The following POLE variants were observed in gnomAD, a reference collection of about 807,000 sequenced individuals.
The protein encoded by POLE is DNA polymerase epsilon, catalytic subunit.
POLE carries 188 observed loss-of-function variants against 279.2 expected under a neutral mutation model. That is an observed-to-expected ratio of 0.67 (90% CI 0.60 to 0.76). The LOEUF (loss-of-function observed/expected upper bound fraction) is 0.76. Among genes scored for constraint, POLE ranks in the 30% least tolerant of loss-of-function variants. POLE has a pLI of 0.00. For synonymous variants in POLE, 1,214 were observed against 1,172.5 expected, an observed-to-expected ratio of 1.04 and a Z score of -0.72; for missense variants, 2,703 against 3,016.7, an observed-to-expected ratio of 0.90 and a Z score of 2.44.
intron 29 of POLE, among the ~76,000 whole-genome samples, 173 bp downstream of exon 29, chr12:132,656,963 A>C (rs769518244): frequency 3.3e-5 from 5 of 152,220 alleles, no homozygotes; most frequent in Non-Finnish European, 7.3e-5. Context: ...TATTAACAAA[A>C]GAGTGACACT....
At chr12:132,652,606 GAGCCATCACACTC>G (rs1170910335) in intron 29 of POLE, among the ~76,000 whole-genome samples, 7 of 152,098 alleles carry the variant, frequency 4.6e-5, no homozygotes, top group African/African-American at 1.4e-4. Context: ...TTACAGGCAT[GAGCCATCACACTC>G]AGCCTTAGTT....
chr12:132,633,640 A>AG (rs1450939806), intron 43 of POLE: 2 of 152,510 alleles, frequency 1.3e-5, no homozygotes, highest in Non-Finnish European at 2.9e-5. Flanking sequence ...TCTTTAACTT[A>AG]GGGCTGTCAA....
In POLE at chr12:132,667,552, G is replaced by A. The variant is rs1565964638; in HGVS notation, c.2270C>T (p.Thr757Ile). The A allele has an allele frequency of 6.2e-7, 1 of 1,614,164 alleles. No individual in the cohort carries two copies. Among genetic ancestry groups the A allele is most frequent in the Non-Finnish European group, 8.5e-7 (1 of 1,180,016 alleles). The change falls in exon 20 of 49, where the codon ACC becomes ATC. Residue 757 changes from threonine (T) to isoleucine (I), a missense_variant. Physicochemically the swap from Thr to Ile is moderately conservative, Grantham distance 89 (BLOSUM62 -1). This residue lies in a region of POLE where 1,011 missense variants were observed against 1,111.7 expected (regional missense o/e 0.91). Transcript: ENST00000320574. ...CQRENSFYVD[T>I]VRAFRDRRYE... ...ACGCCTGTCCCGGAAGGCACGCACG[G>A]TGTCCACGTAGAAGGAGTTTTCCCG...
At chr12:132,637,027 A>C (rs930317677) in intron 41 of POLE, among the ~76,000 whole-genome samples, 1 of 152,178 alleles carries the variant, frequency 6.6e-6, no homozygotes, top group East Asian at 1.9e-4. Flanking sequence ...CCTTCCCATT[A>C]TCTCAGCCAT....
intron 1 of POLE, among the ~76,000 whole-genome samples, chr12:132,683,584 G>A (rs1161784841): frequency 5.9e-5 from 9 of 152,138 alleles, no homozygotes; most frequent in Non-Finnish European, 8.8e-5. Flanking sequence ...GAATGCACCC[G>A]TAATCAAAAA....
At chr12:132,654,837 GAAC>G (rs1461092585) in intron 29 of POLE, among the ~76,000 whole-genome samples, 3 of 152,276 alleles carry the variant, frequency 2.0e-5, no homozygotes, top group South Asian at 4.1e-4. Context: ...TCTTTTCAAA[GAAC>G]AACATTTTGG....
At position 132,642,288 on chromosome 12, in the gene POLE, G is replaced by T; in HGVS notation, c.5062C>A (p.Pro1688Thr). The change falls in exon 38 of 49, where the codon CCT becomes ACT. Residue 1688 changes from proline to threonine, a missense_variant. Around this residue, in one of 5 missense-constraint regions of POLE, gnomAD observed 1,551 missense variants for 1,686.1 expected, o/e 0.92. Transcript: ENST00000320574. ...QRHNHLLWLS[P>T]TARPDLGGKE... ...CCACCCAGGTCAGGGCGGGCTGTAG[G>T]GGACAGCCAGAGCAGGTGGTTGTGG... 1 of 1,607,632 alleles carries T rather than the reference G, an allele frequency of 6.2e-7. No homozygotes were observed. Among genetic ancestry groups the T allele is most frequent in the Non-Finnish European group, 8.5e-7 (1 of 1,177,202 alleles).
chr12:132,686,293 C>T (rs539502047), intron 1 of POLE, among the ~76,000 whole-genome samples: 5 of 147,990 alleles, frequency 3.4e-5, no homozygotes, highest in African/African-American at 1.3e-4. Context: ...GGTCTGGCTC[C>T]GTCGCCCAGG....
chr12:132,684,953 T>C (rs2043228733), intron 1 of POLE, among the ~76,000 whole-genome samples: 1 of 42,038 alleles, frequency 2.4e-5, no homozygotes, highest in Non-Finnish European at 5.6e-5. Context: ...AGAGCTACCA[T>C]TGACTGGTTA....
rs767693620 is a variant in POLE at position 132,664,348 on chromosome 12, A to C, written c.2561+22T>G. On this transcript the variant is annotated intron_variant, in intron 22 of 48. Coordinates refer to ENST00000320574, the MANE Select transcript of POLE (RefSeq NM_006231.4). The surrounding 1 kb of genome is among the most constrained non-coding windows in gnomAD (Gnocchi z 5.3). ...GCCCCCAGGACCTGCTCCCAGCCCC[A>C]CGGCTCCCCTTCTGCACTCACCCAA... is the stretch of plus-strand genomic sequence containing the variant. 12 of 1,603,710 alleles carry C rather than the reference A, an allele frequency of 7.5e-6. No individual in the cohort carries two copies. In the African/African-American group the frequency reaches 1.2e-4, roughly 16 times the overall value.
chr12:132,681,237 C>T lies in POLE; in HGVS notation c.105G>A (p.Leu35=), dbSNP rs778406376. 6.2e-7 allele frequency: 1 copy of T among 1,614,206 alleles called. No homozygotes were observed. Among genetic ancestry groups the T allele is most frequent in the Non-Finnish European group, 8.5e-7 (1 of 1,180,040 alleles). Reference sequence around the variant, plus strand: ...TCTTATCCGTCCACTGACTCCGTTCCAGGCGCTTGAGTGCCGAAACTGAGG... The same window carrying T: ...TCTTATCCGTCCACTGACTCCGTTCTAGGCGCTTGAGTGCCGAAACTGAGG... ...ATSSVSALKR[L]ERSQWTDKMD... The change falls in exon 2 of 49, where the codon CTG becomes CTA. Residue 35 remains leucine (L), a synonymous_variant. Coordinates refer to ENST00000320574, the MANE Select transcript of POLE (RefSeq NM_006231.4).
rs5745067 is a variant in POLE, at chr12:132,626,173, G to A, written c.6475C>T (p.Arg2159Cys). ...RSYVLPEVIC[R>C]SCNFCRDLDL... is the part of the protein sequence containing the mutation. ...AGGTCGCGGCAGAAGTTACAGCTGC[G>A]GCAGATGACCTCAGGAAGCACGTAG... Residue 2159 changes from arginine to cysteine, a missense_variant, in exon 46 of 49, where the codon CGC becomes TGC. Arg to Cys is a radical substitution (Grantham distance 180). This residue lies in a region of POLE where 1,551 missense variants were observed against 1,686.1 expected (regional missense o/e 0.92). Coordinates refer to ENST00000320574, the MANE Select transcript of POLE (RefSeq NM_006231.4). The A allele has an allele frequency of 1.2e-5, 19 of 1,612,680 alleles. No homozygotes were observed. Among genetic ancestry groups the A allele is most frequent in the East Asian group, 1.1e-4 (5 of 44,844 alleles).
chr12:132,663,028 GTAAC>G (rs2042713560), intron 23 of POLE, among the ~76,000 whole-genome samples: 1 of 152,238 alleles, frequency 6.6e-6, no homozygotes. Context: ...AACCTCAGGC[GTAAC>G]TGCTGCAGGT....
chr12:132,625,365 A>C (rs1566308000), intron 47 of POLE: 1 of 732,844 alleles, frequency 1.4e-6, no homozygotes, highest in Non-Finnish European at 2.5e-6. Flanking sequence ...GAGCTGTGCA[A>C]CTCCCTCTTC....
chr12:132,669,834 G>A (rs750300969), intron 16 of POLE, among the ~76,000 whole-genome samples: 13 of 152,200 alleles, frequency 8.5e-5, no homozygotes, highest in Non-Finnish European at 1.6e-4. Flanking sequence ...CGCCCAACAG[G>A]TGACCCTTCA....
In POLE at chr12:132,668,836, T is replaced by C; in HGVS notation, c.1898A>G (p.Asn633Ser). 1.9e-6 allele frequency: 3 copies of C among 1,614,154 alleles called. No homozygotes were observed. The highest frequency in any genetic ancestry group is 2.5e-6 in the Non-Finnish European group (3 of 1,180,010). The change falls in exon 17 of 49, where the codon AAC becomes AGC. Residue 633 changes from asparagine to serine, a missense_variant. By Grantham distance (46) the Asn-to-Ser change is conservative. Coordinates refer to ENST00000320574, the MANE Select transcript of POLE (RefSeq NM_006231.4). The surrounding 1 kb of genome is among the most constrained non-coding windows in gnomAD (Gnocchi z 4.0). Reference sequence around the variant, plus strand: ...CTGCAGGCGGTTGGTCAGGATGATGTTGGGGTACATGGCCCCCACGTCCAG... The same window carrying C: ...CTGCAGGCGGTTGGTCAGGATGATGCTGGGGTACATGGCCCCCACGTCCAG... ...YHLDVGAMYP[N>S]IILTNRLQPS...
chr12:132,665,459 C>T lies in POLE; in HGVS notation c.2320-9G>A, dbSNP rs769834031. On this transcript the variant is annotated splice_polypyrimidine_tract_variant and intron_variant, in intron 20 of 48. Coordinates refer to ENST00000320574, the MANE Select transcript of POLE (RefSeq NM_006231.4). ...AGCTTCTTTTTCCACACCTGAGAAG[C>T]ACATGAACATGGAGCACCTCACAGA... The T allele has an allele frequency of 6.9e-6, 11 of 1,604,226 alleles. No individual in the cohort carries two copies. Among genetic ancestry groups the T allele is most frequent in the Non-Finnish European group, 8.5e-6 (10 of 1,175,716 alleles).
intron 6 of POLE, 119 bp from the exon 7 acceptor site, chr12:132,677,838 TA>T (rs2043091247): frequency 2.1e-6 from 2 of 965,674 alleles, no homozygotes; most frequent in East Asian, 4.8e-5. Flanking sequence ...ACACAAAAGG[TA>T]AATTGATGTG....
At chr12:132,656,099 T>TA (rs963788151) in intron 29 of POLE, among the ~76,000 whole-genome samples, 1 of 150,420 alleles carries the variant, frequency 6.6e-6, no homozygotes, top group African/African-American at 2.5e-5. Context: ...AGAAAAAAAT[T>TA]AAAAAAATAA....
Sources: allele counts gnomAD v4.1 joint callset (sites outside exome capture counted in the v4.1 genomes callset), GRCh38; gene constraint gnomAD v4.1.1; regional missense constraint gnomAD v4.1.1; non-coding constraint Gnocchi (gnomAD v3.1); transcripts MANE v1.5; gene names NCBI Gene and HGNC (gene_info 2026-07-23, HGNC 2026-07-21).